Variants in MAD1L1 observed in about 807,000 individuals in gnomAD.
MAD1L1 encodes the protein mitotic spindle assembly checkpoint protein MAD1.
Under a neutral mutation model 96.9 loss-of-function variants are expected in MAD1L1, and 95 were observed. The observed-to-expected ratio is 0.98, with a 90% confidence interval of 0.83 to 1.16. The LOEUF is 1.16. MAD1L1 is among the 50% of genes most tolerant of loss of function. MAD1L1 has a pLI of 0.00. For missense variants in MAD1L1, 1,007 were observed against 954.4 expected, an observed-to-expected ratio of 1.06 and a Z score of -0.73; for synonymous variants, 473 against 396.6, an observed-to-expected ratio of 1.19 and a Z score of -2.29.
chr7:1,978,074 C>A (rs1780729192), intron 15 of MAD1L1, among the ~76,000 whole-genome samples: 1 of 152,248 alleles, frequency 6.6e-6, no homozygotes, highest in Admixed American at 6.5e-5. Context: ...GGCCTCTCCC[C>A]CTGCGCCCGC....
At chr7:1,885,452 G>A (rs1489288206) in intron 18 of MAD1L1, among the ~76,000 whole-genome samples, 1 of 151,182 alleles carries the variant, frequency 6.6e-6, no homozygotes. Context: ...AGTGCACTCA[G>A]ACAGGAGAGA....
At chr7:1,966,015 G>A (rs747881930) in intron 15 of MAD1L1, among the ~76,000 whole-genome samples, 6 of 152,208 alleles carry the variant, frequency 3.9e-5, no homozygotes, top group South Asian at 4.1e-4. Flanking sequence ...ATCTGAAGCC[G>A]GTGAGAGCTG....
chr7:1,994,931 C>T (rs1781493284), intron 14 of MAD1L1, among the ~76,000 whole-genome samples: 1 of 152,210 alleles, frequency 6.6e-6, no homozygotes, highest in Non-Finnish European at 1.5e-5. Context: ...CCACCCACCC[C>T]AGCTTCCCAA....
At chr7:1,883,580 A>G (rs1785821123) in intron 18 of MAD1L1, among the ~76,000 whole-genome samples, 1 of 151,960 alleles carries the variant, frequency 6.6e-6, no homozygotes, top group African/African-American at 2.4e-5. Flanking sequence ...GGGACGGACA[A>G]CTCCCTGACC....
chr7:2,153,434 A>G (rs1237477607), intron 10 of MAD1L1, among the ~76,000 whole-genome samples: 1 of 152,264 alleles, frequency 6.6e-6, no homozygotes, highest in African/African-American at 2.4e-5. Flanking sequence ...CAACAGGTAT[A>G]TGAAAAAATG....
intron 10 of MAD1L1, among the ~76,000 whole-genome samples, chr7:2,204,242 C>A (rs1000051661): frequency 6.6e-6 from 1 of 152,160 alleles, no homozygotes; most frequent in Non-Finnish European, 1.5e-5. Context: ...CCAGGCCACT[C>A]TCCAATTCAG....
At chr7:2,004,404 C>G (rs1466360794) in intron 13 of MAD1L1, among the ~76,000 whole-genome samples, 3 of 152,264 alleles carry the variant, frequency 2.0e-5, no homozygotes, top group Admixed American at 6.5e-5. Flanking sequence ...CCTCAGGTGA[C>G]AGCTACAGGT....
At chr7:1,993,673 C>G (rs1781441742) in intron 14 of MAD1L1, among the ~76,000 whole-genome samples, 1 of 152,236 alleles carries the variant, frequency 6.6e-6, no homozygotes, top group Non-Finnish European at 1.5e-5. Context: ...AAACCATCTT[C>G]TCAGCTACTT....
chr7:1,886,054 G>GT (rs1562489517), intron 18 of MAD1L1, among the ~76,000 whole-genome samples: 2 of 152,186 alleles, frequency 1.3e-5, no homozygotes, highest in Non-Finnish European at 2.9e-5. Context: ...CCTCGTCCGC[G>GT]TATCAGGGCA....
chr7:1,859,271 G>A (rs1784405990), intron 18 of MAD1L1, among the ~76,000 whole-genome samples: 1 of 152,236 alleles, frequency 6.6e-6, no homozygotes, highest in Non-Finnish European at 1.5e-5. Flanking sequence ...GTGATGATCA[G>A]AACCCTGACC....
chr7:2,177,884 C>A (rs1029333058), intron 10 of MAD1L1, among the ~76,000 whole-genome samples: 1 of 152,246 alleles, frequency 6.6e-6, no homozygotes, highest in Non-Finnish European at 1.5e-5. Context: ...ATCGCCATGA[C>A]TGACACCTGT....
At chr7:1,943,740 C>T (rs1032695811) in intron 16 of MAD1L1, among the ~76,000 whole-genome samples, 4 of 151,992 alleles carry the variant, frequency 2.6e-5, no homozygotes, top group Non-Finnish European at 5.9e-5. Context: ...GGCAGACCCC[C>T]GAGAGAACTG....
At chr7:2,127,133 T>G (rs1788270513) in intron 11 of MAD1L1, among the ~76,000 whole-genome samples, 1 of 152,168 alleles carries the variant, frequency 6.6e-6, no homozygotes, top group African/African-American at 2.4e-5. Flanking sequence ...TCTTCCACAG[T>G]GCTGGCCTGA....
intron 9 of MAD1L1, among the ~76,000 whole-genome samples, chr7:2,215,260 C>T (rs1340099722): frequency 6.6e-6 from 1 of 151,898 alleles, no homozygotes; most frequent in African/African-American, 2.4e-5. Flanking sequence ...CGCCTGTAGT[C>T]CCAGCTACTC....
At chr7:2,094,451 A>T (rs1786373592) in intron 11 of MAD1L1, among the ~76,000 whole-genome samples, 1 of 152,176 alleles carries the variant, frequency 6.6e-6, no homozygotes, top group Non-Finnish European at 1.5e-5. Flanking sequence ...AGACACAAAA[A>T]ACCAAAGTCT....
At position 1,852,748 on chromosome 7, in the gene MAD1L1, C is replaced by T. The variant is rs537385228; in HGVS notation, c.1999-36520G>A. Among the ~76,000 whole-genome samples, 48 of 152,264 alleles carry T rather than the reference C, an allele frequency of 3.2e-4. No individual in the cohort carries two copies. In the East Asian group the frequency reaches 3.3e-3, roughly 11 times the overall value. On this transcript the variant is annotated intron_variant, in intron 18 of 18. Transcript: ENST00000265854. ...GTCGGCACAGGCCTTGTAATGACTCCGGACTTGCTGTTCCCCTGCCTCCTG... is the reference window on the plus strand; with the variant it reads ...GTCGGCACAGGCCTTGTAATGACTCTGGACTTGCTGTTCCCCTGCCTCCTG...
At chr7:1,896,045 C>T (rs1212319341) in intron 18 of MAD1L1, among the ~76,000 whole-genome samples, 6 of 152,346 alleles carry the variant, frequency 3.9e-5, no homozygotes, top group Non-Finnish European at 8.8e-5. Flanking sequence ...AGGGCGAGCC[C>T]GGCCTCCCGT....
chr7:1,887,579 CTG>C (rs759733594), intron 18 of MAD1L1, among the ~76,000 whole-genome samples: 2 of 122,212 alleles, frequency 1.6e-5, no homozygotes, highest in South Asian at 2.7e-4. Flanking sequence ...ATGTGGCTGC[CTG>C]TGTGTGTGAC....
chr7:2,166,037 T>G (rs963462926), intron 10 of MAD1L1, among the ~76,000 whole-genome samples: 2 of 152,178 alleles, frequency 1.3e-5, no homozygotes, highest in Non-Finnish European at 2.9e-5. Flanking sequence ...ACTCATTAAG[T>G]GACTTCAGTA....
Sources: allele counts gnomAD v4.1 joint callset (sites outside exome capture counted in the v4.1 genomes callset), GRCh38; gene constraint gnomAD v4.1.1; transcripts MANE v1.5; gene names NCBI Gene and HGNC (gene_info 2026-07-23, HGNC 2026-07-21).